Variants in DIPK1A observed in about 807,000 individuals in gnomAD.
DIPK1A encodes divergent protein kinase domain 1A.
DIPK1A carries 27 observed loss-of-function variants against 40.8 expected under a neutral mutation model. That is an observed-to-expected ratio of 0.66 (90% CI 0.49 to 0.91). The LOEUF is 0.91. Ranked by LOEUF, DIPK1A falls within the 40% of genes least tolerant of loss-of-function variation. DIPK1A has a pLI of 0.00. For missense variants in DIPK1A, 412 were observed against 505.7 expected, an observed-to-expected ratio of 0.81 and a Z score of 1.78; for synonymous variants, 166 against 171.3, an observed-to-expected ratio of 0.97 and a Z score of 0.24.
At chr1:92,932,917 T>A (rs1419799445) in intron 1 of DIPK1A, 1 of 152,174 alleles carries the variant, frequency 6.6e-6, no homozygotes, top group East Asian at 1.9e-4. Context: ...TAAACCCTAA[T>A]GTAAACTAAG....
At chr1:92,927,486 C>T (rs1650567022) in intron 1 of DIPK1A, among the ~76,000 whole-genome samples, 1 of 149,890 alleles carries the variant, frequency 6.7e-6, no homozygotes, top group East Asian at 2.0e-4. Flanking sequence ...GGATTACAGG[C>T]ATGAGCCTCT....
In DIPK1A at chr1:92,912,003, C is replaced by CA. The variant is rs5776162; in HGVS notation, c.55-35574dup. Among the ~76,000 whole-genome samples, 204 of 43,686 alleles carry CA rather than the reference C, an allele frequency of 4.7e-3. 13 individuals are homozygous for CA. The highest frequency in any genetic ancestry group is 0.023 in the Middle Eastern group (1 of 44). The allele number at this position is 43,686 out of a possible 152,430, so 28.7% of individuals were successfully genotyped here. A position where few individuals can be genotyped will look rare whatever the true frequency, so the allele number is the denominator to read the frequency against. On this transcript the variant is annotated intron_variant, in intron 1 of 4. Transcript: ENST00000370310. ...TGGGTGACAGAGCAGGACTCCATCT[C>CA]AAAAAAAAAAAAAAAAAAAAAAAAA... is the stretch of plus-strand genomic sequence containing the variant.
chr1:92,864,687 T>C (rs1647450933), intron 2 of DIPK1A, among the ~76,000 whole-genome samples: 1 of 151,980 alleles, frequency 6.6e-6, no homozygotes. Flanking sequence ...CCAAATAGGA[T>C]TTGCTGAAAT....
intron 4 of DIPK1A, chr1:92,833,755 A>G: frequency 1.1e-6 from 1 of 951,148 alleles, no homozygotes; most frequent in South Asian, 1.4e-5. Context: ...AGGGCTGTCT[A>G]GCACCTCCAA....
intron 1 of DIPK1A, among the ~76,000 whole-genome samples, chr1:92,947,389 A>G (rs1316500161): frequency 3.3e-5 from 5 of 152,330 alleles, no homozygotes; most frequent in African/African-American, 9.6e-5. Flanking sequence ...CAAAACTACA[A>G]TGAGCTATCA....
chr1:92,878,855 A>AC (rs1648249080), intron 1 of DIPK1A, among the ~76,000 whole-genome samples: 3 of 150,696 alleles, frequency 2.0e-5, no homozygotes, highest in African/African-American at 7.4e-5. Context: ...AAACAAACAA[A>AC]AATTAGCCGA....
exon 5 of DIPK1A, chr1:92,832,767 T>G: frequency 4.0e-6 from 2 of 496,490 alleles, no homozygotes; most frequent in East Asian, 3.3e-5. Context: ...AAGGGTGGGA[T>G]GAAATGTTGC....
At chr1:92,846,074 AC>A in intron 4 of DIPK1A, 1 of 158,700 alleles carries the variant, frequency 6.3e-6, no homozygotes, top group Non-Finnish European at 1.4e-5. Flanking sequence ...CCTGGTGCTT[AC>A]CCCAGGCTGT....
intron 1 of DIPK1A, among the ~76,000 whole-genome samples, chr1:92,956,432 T>C (rs1651857113): frequency 6.6e-6 from 1 of 152,226 alleles, no homozygotes; most frequent in African/African-American, 2.4e-5. Flanking sequence ...AGGCAAAAGC[T>C]AATCTCTGAA....
At chr1:92,847,910 C>T (rs763971038) in intron 3 of DIPK1A, among the ~76,000 whole-genome samples, 1 of 152,122 alleles carries the variant, frequency 6.6e-6, no homozygotes, top group African/African-American at 2.4e-5. Context: ...TAATTAAAAA[C>T]ATTTTTTGTA....
At chr1:92,870,867 A>G (rs2100765521) in intron 2 of DIPK1A, among the ~76,000 whole-genome samples, 1 of 152,290 alleles carries the variant, frequency 6.6e-6, no homozygotes, top group South Asian at 2.1e-4. Flanking sequence ...GGACCTTTGC[A>G]AGGTCATCCC....
At chr1:92,946,681 T>C (rs1571148156) in intron 1 of DIPK1A, among the ~76,000 whole-genome samples, 2 of 152,208 alleles carry the variant, frequency 1.3e-5, no homozygotes, top group Non-Finnish European at 2.9e-5. Flanking sequence ...CGATGGCTCA[T>C]GCCTGTAGTC....
rs187305291 is a variant in DIPK1A, at chr1:92,847,733, A to G, written c.298-374T>C. 8.5e-5 allele frequency among the ~76,000 whole-genome samples: 13 copies of G among 152,254 alleles called. No individual in the cohort carries two copies. In the East Asian group the frequency reaches 2.5e-3, roughly 29 times the overall value. Reference sequence around the variant, plus strand: ...TATTATATAGTGTTAACTATGTCCTATGGTCTACTAATTTATTTTAGAGAC... The same window carrying G: ...TATTATATAGTGTTAACTATGTCCTGTGGTCTACTAATTTATTTTAGAGAC... On this transcript the variant is annotated intron_variant, in intron 3 of 4. Coordinates refer to ENST00000370310, the MANE Select transcript of DIPK1A (RefSeq NM_001006605.5).
chr1:92,942,320 A>G (rs953313052), intron 1 of DIPK1A, among the ~76,000 whole-genome samples: 1 of 152,176 alleles, frequency 6.6e-6, no homozygotes, highest in African/African-American at 2.4e-5. Flanking sequence ...ATTTTACCAA[A>G]TTGCTATTTA....
At chr1:92,917,886 TGA>T (rs1404635699) in intron 1 of DIPK1A, among the ~76,000 whole-genome samples, 1 of 152,188 alleles carries the variant, frequency 6.6e-6, no homozygotes, top group Non-Finnish European at 1.5e-5. Flanking sequence ...TAGTATGGAC[TGA>T]GAGTAGTTTG....
chr1:92,927,070 G>A (rs996525513), intron 1 of DIPK1A, among the ~76,000 whole-genome samples: 3 of 151,664 alleles, frequency 2.0e-5, no homozygotes, highest in Admixed American at 2.0e-4. Context: ...CCTCTTTTGG[G>A]GTGAACTGAA....
intron 2 of DIPK1A, among the ~76,000 whole-genome samples, chr1:92,865,717 T>C (rs895776247): frequency 2.0e-5 from 3 of 152,202 alleles, no homozygotes; most frequent in African/African-American, 7.2e-5. Flanking sequence ...ATGTACAGTG[T>C]GCAAAATTAA....
chr1:92,946,744 A>T (rs1651380761), intron 1 of DIPK1A, among the ~76,000 whole-genome samples: 1 of 152,122 alleles, frequency 6.6e-6, no homozygotes, highest in African/African-American at 2.4e-5. Context: ...GGAGTTTGAG[A>T]TCAGCCTGGG....
chr1:92,887,835 C>G (rs1292525857), intron 1 of DIPK1A, among the ~76,000 whole-genome samples: 2 of 152,114 alleles, frequency 1.3e-5, no homozygotes, highest in Non-Finnish European at 2.9e-5. Context: ...CTAGTCATAA[C>G]TAGGAGAAGC....
Sources: gnomAD v4.1 joint callset for allele counts (sites outside exome capture counted in the v4.1 genomes callset) on GRCh38, gnomAD v4.1.1 for gene constraint, MANE v1.5 for transcripts, NCBI Gene and HGNC (gene_info 2026-07-23, HGNC 2026-07-21) for gene names.